GCLC: variants seen among roughly 807,000 people sequenced by gnomAD.
The protein encoded by GCLC is glutamate--cysteine ligase catalytic subunit.
GCLC carries 30 observed loss-of-function variants against 81.5 expected under a neutral mutation model. The observed-to-expected ratio is 0.37, with a 90% confidence interval of 0.28 to 0.50. The LOEUF is 0.50. Ranked by LOEUF, GCLC falls within the 20% of genes least tolerant of loss-of-function variation. The pLI, the probability that GCLC is intolerant of heterozygous loss-of-function variation, is 0.96. For synonymous variants in GCLC, 262 were observed against 273.3 expected, an observed-to-expected ratio of 0.96 and a Z score of 0.41; for missense variants, 556 against 777.4, an observed-to-expected ratio of 0.72 and a Z score of 3.39.
chr6:53,504,334 C>T (rs904410759), intron 12 of GCLC, among the ~76,000 whole-genome samples: 18 of 151,996 alleles, frequency 1.2e-4, no homozygotes, highest in African/African-American at 3.6e-4. Flanking sequence ...TATAGATTTG[C>T]GCTGGGCCCA....
intron 1 of GCLC, among the ~76,000 whole-genome samples, chr6:53,523,512 G>A (rs1399699273): frequency 6.6e-6 from 1 of 152,082 alleles, no homozygotes; most frequent in Non-Finnish European, 1.5e-5. Context: ...TAGTAGTTTA[G>A]AAAAAATAAA....
chr6:53,534,717 A>G (rs1763231150), intron 1 of GCLC, among the ~76,000 whole-genome samples: 5 of 152,150 alleles, frequency 3.3e-5, no homozygotes, highest in South Asian at 4.1e-4. Flanking sequence ...ACCATTTACA[A>G]TAGAACTGAA....
intron 1 of GCLC, among the ~76,000 whole-genome samples, chr6:53,532,864 A>G (rs962370248): frequency 2.0e-5 from 3 of 152,228 alleles, no homozygotes; most frequent in African/African-American, 7.2e-5. Context: ...TTGTGTGGAA[A>G]TAAGTTCAAC....
chr6:53,544,441 A>C lies in GCLC; in HGVS notation c.150+55T>G. ...CGGGGGCGTAGGGCAAGACAAAGGC[A>C]GCGCGGGCGGCCAGACACGGGTGCC... On this transcript the variant is annotated intron_variant, in intron 1 of 15. Transcript: ENST00000650454. 3 of 1,583,708 alleles carry C rather than the reference A, an allele frequency of 1.9e-6. No homozygotes were observed. In the Admixed American group the frequency reaches 5.0e-5, roughly 27 times the overall value.
At position 53,516,131 on chromosome 6, in the gene GCLC, T is replaced by C. The variant is rs1764866083; in HGVS notation, c.538A>G (p.Ile180Val). The C allele has an allele frequency of 6.2e-7, 1 of 1,612,064 alleles. No homozygotes were observed. The highest frequency in any genetic ancestry group is 8.5e-7 in the Non-Finnish European group (1 of 1,178,098). ...CACCTGAAGCGAGGGTGCTTGTTTATTGCTTCATCTGGAAAGAAGAGGGAC... is the reference window on the plus strand; with the variant it reads ...CACCTGAAGCGAGGGTGCTTGTTTACTGCTTCATCTGGAAAGAAGAGGGAC... The part of the protein sequence containing the change: ...SKSLFFPDEA[I>V]NKHPRFSTLT... The change falls in exon 4 of 16, where the codon ATA (isoleucine) becomes GTA (valine). Residue 180 changes from isoleucine to valine, a missense_variant. This residue lies in a region of GCLC where 234 missense variants were observed against 303.8 expected (regional missense o/e 0.77). Transcript: ENST00000650454.
At chr6:53,503,751 G>GTATTT (rs3839536) in intron 12 of GCLC, among the ~76,000 whole-genome samples, 31,247 of 151,838 alleles carry the variant, frequency 0.21, 4,786 homozygotes, top group East Asian at 0.43. Context: ...TTTGATTATT[G>GTATTT]TATATCTTTC....
At chr6:53,537,556 A>G (rs1279971508) in intron 1 of GCLC, among the ~76,000 whole-genome samples, 1 of 152,108 alleles carries the variant, frequency 6.6e-6, no homozygotes, top group Non-Finnish European at 1.5e-5. Flanking sequence ...GCTGCAGCAC[A>G]CTGTGATGGT....
rs1763422810 is a variant in GCLC at position 53,544,811 on chromosome 6, C to G, written c.-166G>C. 1 of 565,914 alleles carries G rather than the reference C, an allele frequency of 1.8e-6. No individual in the cohort carries two copies. The highest frequency in any genetic ancestry group is 2.0e-5 in the African/African-American group (1 of 49,776). 35.1% of individuals were successfully genotyped at this position (565,914 alleles called of 1,614,324 possible). ...GGAGGGTCCTGCCCGCTCCGGCTCC[C>G]CGGCGGCGGCCCCTGGCGCCCAGGT... On this transcript the variant is annotated 5_prime_UTR_variant, in exon 1 of 16. Transcript: ENST00000650454.
intron 1 of GCLC, among the ~76,000 whole-genome samples, chr6:53,533,964 T>C (rs954672705): frequency 6.6e-6 from 1 of 152,014 alleles, no homozygotes; most frequent in African/African-American, 2.4e-5. Flanking sequence ...TCAGCTAATT[T>C]TGTATTTTTA....
chr6:53,512,245 G>T (rs529992988), intron 6 of GCLC, among the ~76,000 whole-genome samples: 46 of 152,208 alleles, frequency 3.0e-4, no homozygotes, highest in African/African-American at 9.9e-4. Flanking sequence ...GTGCCTGGCT[G>T]TGAACTTGGT....
chr6:53,509,590 C>A, intron 6 of GCLC: 1 of 389,608 alleles, frequency 2.6e-6, no homozygotes. Context: ...CTTCCTATCC[C>A]TTCAGTCAGT....
In GCLC at chr6:53,508,852, G is replaced by A. The variant is rs934887116; in HGVS notation, c.829-141C>T. On this transcript the variant is annotated intron_variant, in intron 7 of 15. Coordinates refer to ENST00000650454, the MANE Select transcript of GCLC (RefSeq NM_001498.4). ...CACATGTACCTGTGCCTATCTTACA[G>A]TGAAATATACCAGGAAGAATCCAGT... 3.0e-5 allele frequency: 21 copies of A among 705,942 alleles called. No homozygotes were observed. In the African/African-American group the frequency reaches 3.3e-4, roughly 11 times the overall value. The allele number at this position is 705,942 out of a possible 1,614,324, so 43.7% of individuals were successfully genotyped here.
Position 53,544,653 on chromosome 6 carries a change from C to CCTCCT in GCLC, c.-9_-8insAGGAG. On this transcript the variant is annotated 5_prime_UTR_variant, in exon 1 of 16. Transcript: ENST00000650454. ...CTGGGACAGCAGCCCCATGGCCGCC[C>CCTCCT]CCTCCTCCTCCTCCTCCTCCTCCGG... 1.3e-6 allele frequency: 2 copies of CCTCCT among 1,550,852 alleles called. No individual in the cohort carries two copies. The highest frequency in any genetic ancestry group is 1.4e-5 in the African/African-American group (1 of 72,190).
chr6:53,537,340 TAGAG>T (rs771816703), intron 1 of GCLC, among the ~76,000 whole-genome samples: 47 of 152,204 alleles, frequency 3.1e-4, no homozygotes, highest in Non-Finnish European at 4.4e-4. Context: ...CTAAAAAAGA[TAGAG>T]AGATGCGACA....
chr6:53,544,852 C>G lies in GCLC; in HGVS notation c.-207G>C, dbSNP rs1031669663. The G allele has an allele frequency of 2.3e-6, 1 of 427,612 alleles. No individual in the cohort carries two copies. Among genetic ancestry groups the G allele is most frequent in the South Asian group, 4.7e-5 (1 of 21,370 alleles). The allele number at this position is 427,612 out of a possible 1,614,324, so 26.5% of individuals were successfully genotyped here. On this transcript the variant is annotated 5_prime_UTR_variant, in exon 1 of 16. Transcript: ENST00000650454. Reference sequence around the variant, plus strand: ...GCGCCCAGGTGACAGACCCTGGGTCCGACGCACCGCGCGGAGGCGAAGGCA... The same window carrying G: ...GCGCCCAGGTGACAGACCCTGGGTCGGACGCACCGCGCGGAGGCGAAGGCA...
chr6:53,538,797 C>T (rs1763302836), intron 1 of GCLC, among the ~76,000 whole-genome samples: 1 of 152,162 alleles, frequency 6.6e-6, no homozygotes, highest in Non-Finnish European at 1.5e-5. Context: ...GACAATTTAC[C>T]TTCTTGCCTT....
At position 53,500,155 on chromosome 6, in the gene GCLC, AAC is replaced by A; in HGVS notation, c.1590_1591del (p.Phe531SerfsTer12). 1 of 1,614,072 alleles carries A rather than the reference AAC, an allele frequency of 6.2e-7. No homozygotes were observed. The highest frequency in any genetic ancestry group is 1.1e-5 in the South Asian group (1 of 91,082). On this transcript the variant is annotated frameshift_variant, in exon 15 of 16. Transcript: ENST00000650454. LOFTEE classifies it high-confidence loss of function. ...GTTCAGAATTGGGATCAGTCCAGGA[AAC>A]ACACCTTCCTACAAGAAGCAGGACA...
intron 12 of GCLC, among the ~76,000 whole-genome samples, chr6:53,503,789 T>C (rs1286840603): frequency 6.6e-6 from 1 of 152,228 alleles, no homozygotes; most frequent in Non-Finnish European, 1.5e-5. Flanking sequence ...CTCTTCTAAA[T>C]TATTACACAA....
Position 53,500,021 on chromosome 6 carries a change from G to T in GCLC, c.1702+24C>A, listed in dbSNP as rs751530389. 5.2e-6 allele frequency: 8 copies of T among 1,527,984 alleles called. No individual in the cohort carries two copies. The Admixed American group carries it at 6.7e-5, about 13-fold the overall frequency. The allele number at this position is 1,527,984 out of a possible 1,614,324, so 94.7% of individuals were successfully genotyped here. ...TTATACCATGCTGTCTATATTATGA[G>T]ATTAAGAAAAATAGATATCATACCA... On this transcript the variant is annotated intron_variant, in intron 15 of 15. Coordinates refer to ENST00000650454, the MANE Select transcript of GCLC (RefSeq NM_001498.4).
Sources: allele counts gnomAD v4.1 joint callset (sites outside exome capture counted in the v4.1 genomes callset), GRCh38; gene constraint gnomAD v4.1.1; regional missense constraint gnomAD v4.1.1; transcripts MANE v1.5; gene names NCBI Gene and HGNC (gene_info 2026-07-23, HGNC 2026-07-21).